Variants in B4GALNT2 observed in about 807,000 individuals in gnomAD.
B4GALNT2 encodes beta-1,4-N-acetyl-galactosaminyltransferase 2 (SID blood group).
B4GALNT2 carries 42 observed loss-of-function variants against 51.1 expected under a neutral mutation model. That is an observed-to-expected ratio of 0.82 (90% confidence interval 0.64 to 1.06). The LOEUF (loss-of-function observed/expected upper bound fraction) is 1.06. Ranked by LOEUF, B4GALNT2 falls within the 50% of genes least tolerant of loss-of-function variation. The pLI is 0.00. For missense variants in B4GALNT2, 602 were observed against 633.6 expected (o/e 0.95, Z 0.54); for synonymous variants, 253 against 251.7 (o/e 1.01, Z -0.05).
At chr17:49,152,724 C>A in intron 3 of B4GALNT2, 76 bp from the exon 4 acceptor site, 2 of 1,048,648 alleles carry the variant, frequency 1.9e-6, no homozygotes, top group Middle Eastern at 2.1e-4. Context: ...AGGCTCTGTG[C>A]ACAGGCACCA....
chr17:49,131,045 C>G (rs8072572), upstream of B4GALNT2, among the ~76,000 whole-genome samples: 72,922 of 152,014 alleles, frequency 0.48, 18,299 homozygotes, highest in Middle Eastern at 0.58. Flanking sequence ...AAAATCCTAG[C>G]CCCATTACTG....
intron 7 of B4GALNT2, 62 bp downstream of exon 7, chr17:49,160,703 G>T: frequency 7.0e-7 from 1 of 1,437,372 alleles, no homozygotes; most frequent in Non-Finnish European, 9.8e-7. Context: ...GTGAAATTCA[G>T]AAGGGATCAC....
Position 49,164,278 on chromosome 17 carries a change from A to G in B4GALNT2, c.954+3A>G, listed in dbSNP as rs1235272117. The G allele has an allele frequency of 6.2e-7, 1 of 1,609,308 alleles. No individual in the cohort carries two copies. The highest frequency in any genetic ancestry group is 8.5e-7 in the Non-Finnish European group (1 of 1,175,690). ...ATTACACTATGCCCTTTGGGAAGGT[A>G]TGTCCCTCTCAGATTGGGTGGCACC... On this transcript the variant is annotated splice_donor_region_variant and intron_variant, in intron 8 of 10. Transcript: ENST00000393354.
At chr17:49,148,772 A>C (rs2042721674) in intron 3 of B4GALNT2, 2 of 507,064 alleles carry the variant, frequency 3.9e-6, no homozygotes, top group Admixed American at 2.8e-5. Context: ...AAAGGAGTTC[A>C]TAGGGCTGGG....
chr17:49,166,481 C>T (rs1347518107), intron 9 of B4GALNT2, among the ~76,000 whole-genome samples: 1 of 152,084 alleles, frequency 6.6e-6, no homozygotes, highest in African/African-American at 2.4e-5. Context: ...TACACCTCCT[C>T]CCTCATTTGC....
chr17:49,150,109 A>G (rs146569116), intron 3 of B4GALNT2, among the ~76,000 whole-genome samples: 32,205 of 137,120 alleles, frequency 0.23, 4,032 homozygotes, highest in East Asian at 0.44. Flanking sequence ...CGCCCCGTCC[A>G]GGAGGTGAGG....
chr17:49,135,045 T>C (rs1442890334), intron 1 of B4GALNT2, among the ~76,000 whole-genome samples: 3 of 152,246 alleles, frequency 2.0e-5, no homozygotes, highest in Non-Finnish European at 2.9e-5. Flanking sequence ...TAAATTACTC[T>C]GTGGTATACC....
At chr17:49,127,666 T>C (rs2042517638), upstream of B4GALNT2, among the ~76,000 whole-genome samples, 1 of 152,244 alleles carries the variant, frequency 6.6e-6, no homozygotes, top group African/African-American at 2.4e-5. Flanking sequence ...ATTGGATTAA[T>C]GGCCTTCTGG....
At position 49,172,156 on chromosome 17, in the gene B4GALNT2, C is replaced by T. The variant is rs970401809; in HGVS notation, c.*2428C>T. On this transcript the variant is annotated 3_prime_UTR_variant, in exon 11 of 11. Transcript: ENST00000393354. Reference sequence around the variant, plus strand: ...TCTGTGACAGCTTCTTGATCTGTCCCCAGGTAGGTGGCTGTGTTCGACAGC... The same window carrying T: ...TCTGTGACAGCTTCTTGATCTGTCCTCAGGTAGGTGGCTGTGTTCGACAGC... 7 of 287,510 alleles carry T rather than the reference C, an allele frequency of 2.4e-5. No homozygotes were observed. The highest frequency in any genetic ancestry group is 8.9e-5 in the African/African-American group (4 of 45,006). The allele number at this position is 287,510 out of a possible 1,614,324, so 17.8% of individuals were successfully genotyped here. A position where few individuals can be genotyped will look rare whatever the true frequency, so the allele number is the denominator to read the frequency against.
rs139538407 is a variant in B4GALNT2 at position 49,171,657 on chromosome 17, T to C, written c.*1929T>C. ...TACCATTTCTACCATCTGACTGTTT[T>C]GTTTAGACCAGCTGAACATAGTGTG... On this transcript the variant is annotated 3_prime_UTR_variant, in exon 11 of 11. Transcript: ENST00000393354. The C allele has an allele frequency of 7.7e-6, 3 of 388,376 alleles. No individual in the cohort carries two copies. Among genetic ancestry groups the C allele is most frequent in the African/African-American group, 2.1e-5 (1 of 47,076 alleles). 24.1% of individuals were successfully genotyped at this position (388,376 alleles called of 1,614,324 possible). A position where few individuals can be genotyped will look rare whatever the true frequency, so the allele number is the denominator to read the frequency against.
chr17:49,146,455 T>G (rs936617543), intron 3 of B4GALNT2, among the ~76,000 whole-genome samples: 1 of 152,122 alleles, frequency 6.6e-6, no homozygotes, highest in African/African-American at 2.4e-5. Flanking sequence ...GGATTAAAGG[T>G]GCACGCCACC....
chr17:49,125,978 C>T, the B4GALNT2 span, among the ~76,000 whole-genome samples: 2 of 149,254 alleles, frequency 1.3e-5, no homozygotes, highest in South Asian at 2.1e-4. Flanking sequence ...TCTGCCCGGC[C>T]GCCACCCCGT....
upstream of B4GALNT2, among the ~76,000 whole-genome samples, chr17:49,131,090 A>G (rs2042535319): frequency 6.6e-6 from 1 of 152,218 alleles, no homozygotes; most frequent in Non-Finnish European, 1.5e-5. Context: ...GAAAGATCTC[A>G]TAGGCTCAGT....
intron 1 of B4GALNT2, among the ~76,000 whole-genome samples, chr17:49,134,498 G>A (rs567555038): frequency 1.0e-3 from 154 of 151,414 alleles, no homozygotes; most frequent in African/African-American, 3.6e-3. Context: ...TTTCCCTCCC[G>A]AGCTCAAGTG....
intron 3 of B4GALNT2, among the ~76,000 whole-genome samples, chr17:49,145,448 T>C (rs1241378481): frequency 1.3e-5 from 2 of 152,198 alleles, no homozygotes; most frequent in East Asian, 1.9e-4. Context: ...TGCACAAACA[T>C]GTTTTTAACA....
At chr17:49,131,635 C>T (rs939708870), upstream of B4GALNT2, among the ~76,000 whole-genome samples, 3 of 152,016 alleles carry the variant, frequency 2.0e-5, no homozygotes, top group Non-Finnish European at 4.4e-5. Flanking sequence ...CTTAGCCTCC[C>T]AAGTAGCTGG....
chr17:49,152,321 C>T (rs1034722996), intron 3 of B4GALNT2, among the ~76,000 whole-genome samples: 2 of 152,082 alleles, frequency 1.3e-5, no homozygotes, highest in South Asian at 2.1e-4. Context: ...AAGACTGCTG[C>T]GAGCCGTGAT....
Position 49,141,904 on chromosome 17 carries a change from C to G in B4GALNT2, c.216-131C>G, listed in dbSNP as rs535613396. ...AGTGCAGGGGACTCCAGGGTCTCAT[C>G]ATCTCAGAACAGTTGGGTGTAGGAA... On this transcript the variant is annotated intron_variant, in intron 2 of 10. Coordinates refer to ENST00000393354, the MANE Select transcript of B4GALNT2 (RefSeq NM_001159387.2). The G allele has an allele frequency of 4.9e-5, 58 of 1,184,902 alleles. No homozygotes were observed. In the South Asian group the frequency reaches 7.4e-4, roughly 15 times the overall value. 73.4% of individuals were successfully genotyped at this position (1,184,902 alleles called of 1,614,324 possible).
At chr17:49,150,257 G>GC (rs1221730039) in intron 3 of B4GALNT2, among the ~76,000 whole-genome samples, 10 of 122,004 alleles carry the variant, frequency 8.2e-5, no homozygotes, top group East Asian at 2.5e-4. Context: ...GGGGGGGTCA[G>GC]CCCCCCGCCC....
Sources: gnomAD v4.1 joint callset for allele counts (sites outside exome capture counted in the v4.1 genomes callset) on GRCh38, gnomAD v4.1.1 for gene constraint, MANE v1.5 for transcripts, NCBI Gene and HGNC (gene_info 2026-07-23, HGNC 2026-07-21) for gene names.